The following PTK2 variants were observed in gnomAD, a reference collection of about 807,000 sequenced individuals.
PTK2 encodes protein tyrosine kinase 2.
PTK2 carries 45 observed loss-of-function variants against 150.1 expected under a neutral mutation model. The ratio of observed to expected loss-of-function variants is 0.30; its 90% CI spans 0.24 to 0.38. PTK2 has a LOEUF of 0.38. PTK2 is among the 10% of genes least tolerant of loss of function. PTK2 has a pLI of 1.00. For synonymous variants in PTK2, 432 were observed against 449.2 expected, an observed-to-expected ratio of 0.96 and a Z score of 0.48; for missense variants, 919 against 1,307.3, an observed-to-expected ratio of 0.70 and a Z score of 4.58.
chr8:140,842,007 T>C (rs1159574623), intron 7 of PTK2, among the ~76,000 whole-genome samples: 1 of 151,878 alleles, frequency 6.6e-6, no homozygotes, highest in African/African-American at 2.4e-5. Context: ...TACTAATGTA[T>C]ATTTTTATTT....
chr8:140,924,752 T>C (rs1235558777), intron 2 of PTK2, among the ~76,000 whole-genome samples: 6 of 152,172 alleles, frequency 3.9e-5, no homozygotes, highest in Admixed American at 3.9e-4. Flanking sequence ...ACATAAAGTC[T>C]AGGAAAATCA....
intron 1 of PTK2, chr8:140,954,695 A>T (rs897938524): frequency 6.6e-6 from 1 of 152,240 alleles, no homozygotes; most frequent in Non-Finnish European, 1.5e-5. Flanking sequence ...AAGAAAAAAC[A>T]AAACCAAAAA....
intron 23 of PTK2, among the ~76,000 whole-genome samples, chr8:140,707,303 C>T (rs1463453462): frequency 1.3e-5 from 2 of 151,878 alleles, no homozygotes; most frequent in East Asian, 1.9e-4. Context: ...TTTGGGAGGC[C>T]GAGGTGGATC....
At chr8:140,677,132 A>G (rs1158592223) in intron 27 of PTK2, among the ~76,000 whole-genome samples, 1 of 152,170 alleles carries the variant, frequency 6.6e-6, no homozygotes, top group African/African-American at 2.4e-5. Flanking sequence ...GTTGACCTCT[A>G]AAGGGTTTAA....
intron 23 of PTK2, among the ~76,000 whole-genome samples, chr8:140,706,802 G>C (rs1564781467): frequency 1.3e-5 from 2 of 152,258 alleles, no homozygotes; most frequent in East Asian, 3.9e-4. Flanking sequence ...AGGCTAAAGT[G>C]AGAGAGTTGC....
intron 30 of PTK2, among the ~76,000 whole-genome samples, chr8:140,665,339 C>T (rs1011402444): frequency 1.3e-5 from 2 of 152,218 alleles, no homozygotes; most frequent in Admixed American, 1.3e-4. Context: ...AACTGCCAAC[C>T]CTGCCAACAC....
At chr8:140,666,455 A>G (rs1056189688) in intron 30 of PTK2, among the ~76,000 whole-genome samples, 1 of 152,286 alleles carries the variant, frequency 6.6e-6, no homozygotes, top group South Asian at 2.1e-4. Flanking sequence ...AAAAAACTTG[A>G]CATTTTTCCA....
chr8:140,855,640 C>G (rs969021477), intron 5 of PTK2, among the ~76,000 whole-genome samples: 5 of 151,862 alleles, frequency 3.3e-5, no homozygotes, highest in Admixed American at 2.0e-4. Context: ...AGAAAATGAA[C>G]AGACAAGCCA....
At chr8:140,927,972 AAAAATATATATATATAT>A (rs1569057056) in intron 1 of PTK2, among the ~76,000 whole-genome samples, 1 of 92,318 alleles carries the variant, frequency 1.1e-5, no homozygotes, top group African/African-American at 4.3e-5. Flanking sequence ...AAAAAAAAAA[AAAAATATATATATATAT>A]ATATGTATAT....
At chr8:140,717,100 T>C (rs1229603371) in intron 23 of PTK2, among the ~76,000 whole-genome samples, 1 of 152,166 alleles carries the variant, frequency 6.6e-6, no homozygotes, top group African/African-American at 2.4e-5. Context: ...AACTGCAATG[T>C]GCTCTCTTTC....
chr8:140,941,124 C>A (rs1453146305), intron 1 of PTK2, among the ~76,000 whole-genome samples: 1 of 152,182 alleles, frequency 6.6e-6, no homozygotes, highest in Non-Finnish European at 1.5e-5. Flanking sequence ...CTGGGCTACA[C>A]CAACCGGAAC....
At chr8:140,868,836 G>A (rs1019393336) in intron 4 of PTK2, among the ~76,000 whole-genome samples, 2 of 152,162 alleles carry the variant, frequency 1.3e-5, no homozygotes, top group Non-Finnish European at 2.9e-5. Context: ...TGACCGTAAT[G>A]TGGTATTCTG....
Position 140,890,753 on chromosome 8 carries a change from T to C in PTK2, c.-16A>G, listed in dbSNP as rs1374965585. On this transcript the variant is annotated 5_prime_UTR_variant, in exon 3 of 32. It removes the in-frame stop codon of an upstream open reading frame in the 5' UTR. Transcript: ENST00000522684. ...CAGCTGCCATTATTTTGCTAGATGC[T>C]AGGTATCTGTCATATTCTGTTAAAA... 1 of 1,613,952 alleles carries C rather than the reference T, an allele frequency of 6.2e-7. No individual in the cohort carries two copies. The highest frequency in any genetic ancestry group is 1.7e-5 in the Admixed American group (1 of 60,004).
intron 3 of PTK2, among the ~76,000 whole-genome samples, chr8:140,886,659 C>T (rs947213171): frequency 3.9e-5 from 6 of 152,120 alleles, no homozygotes; most frequent in African/African-American, 1.4e-4. Context: ...CAAAGAGAGC[C>T]CATGCTATTA....
At chr8:140,707,338 AAAAAC>A (rs139881245) in intron 23 of PTK2, among the ~76,000 whole-genome samples, 2 of 152,310 alleles carry the variant, frequency 1.3e-5, no homozygotes, top group Non-Finnish European at 2.9e-5. Flanking sequence ...CGTCTCTACT[AAAAAC>A]AAAACAAAAG....
intron 22 of PTK2, among the ~76,000 whole-genome samples, chr8:140,719,873 G>T (rs1234664426): frequency 8.3e-6 from 1 of 120,762 alleles, no homozygotes; most frequent in African/African-American, 3.4e-5. Flanking sequence ...GTGACAGAGT[G>T]AGACTTGTCT....
chr8:140,816,337 C>T (rs2154601517), intron 10 of PTK2, among the ~76,000 whole-genome samples: 1 of 152,148 alleles, frequency 6.6e-6, no homozygotes, highest in African/African-American at 2.4e-5. Flanking sequence ...AGTCCTGAAA[C>T]ACAATATCAA....
chr8:140,743,085 C>T (rs973185238), intron 20 of PTK2, 145 bp downstream of exon 23: 3 of 572,740 alleles, frequency 5.2e-6, no homozygotes, highest in African/African-American at 3.7e-5. Context: ...TGCTCCAGCA[C>T]CATTGCTGAG....
rs113378609 is a variant in PTK2, at chr8:140,834,967, A to T, written c.594-4441T>A. Among the ~76,000 whole-genome samples, 383 of 152,306 alleles carry T rather than the reference A, an allele frequency of 2.5e-3. 3 individuals are homozygous for T. The highest frequency in any genetic ancestry group is 8.7e-3 in the African/African-American group (362 of 41,566). Reference sequence around the variant, plus strand: ...CTCTGCCCTCCCACATTCCTGCATGATGACTATGCACCTCCTCATATTCCT... The same window carrying T: ...CTCTGCCCTCCCACATTCCTGCATGTTGACTATGCACCTCCTCATATTCCT... On this transcript the variant is annotated intron_variant, in intron 7 of 31. Transcript: ENST00000522684.
Sources: gnomAD v4.1 joint callset for allele counts (sites outside exome capture counted in the v4.1 genomes callset) on GRCh38, gnomAD v4.1.1 for gene constraint, MANE v1.5 for transcripts, NCBI Gene and HGNC (gene_info 2026-07-23, HGNC 2026-07-21) for gene names.